Variants in KCNQ3 observed in about 807,000 individuals in gnomAD.
KCNQ3 encodes potassium voltage-gated channel subfamily Q member 3, also known as potassium voltage-gated channel subfamily KQT member 3.
A neutral mutation model predicts 92.5 loss-of-function variants in KCNQ3; 30 were observed. That is an observed-to-expected ratio of 0.32 (90% CI 0.24 to 0.44). KCNQ3 has a LOEUF of 0.44. KCNQ3 is among the 20% of genes least tolerant of loss of function. The probability of loss-of-function intolerance (pLI) is 1.00; values close to 1 mark genes in which losing one functional copy is unlikely to be tolerated. For missense variants in KCNQ3, 913 were observed against 1,140.3 expected (o/e 0.80, Z 2.87); for synonymous variants, 450 against 468.8 (o/e 0.96, Z 0.52).
chr8:132,359,091 T>G (rs1164174105), intron 1 of KCNQ3, among the ~76,000 whole-genome samples: 1 of 152,202 alleles, frequency 6.6e-6, no homozygotes, highest in Admixed American at 6.5e-5. Context: ...ATATCCTCAT[T>G]TCCTTATCTG....
intron 1 of KCNQ3, among the ~76,000 whole-genome samples, chr8:132,423,596 G>C (rs1241879203): frequency 6.6e-6 from 1 of 152,174 alleles, no homozygotes; most frequent in Admixed American, 6.5e-5. Flanking sequence ...CTATCTCACA[G>C]GGCTGTTGTG....
chr8:132,174,746 T>A (rs1407767550), intron 5 of KCNQ3, among the ~76,000 whole-genome samples: 1 of 152,224 alleles, frequency 6.6e-6, no homozygotes, highest in East Asian at 1.9e-4. Flanking sequence ...TGTTCTGGTG[T>A]GTTTAGTATA....
At chr8:132,338,351 A>G (rs1390455111) in intron 1 of KCNQ3, among the ~76,000 whole-genome samples, 1 of 152,174 alleles carries the variant, frequency 6.6e-6, no homozygotes, top group Non-Finnish European at 1.5e-5. Context: ...CAGGAGTCCA[A>G]CCATTGGGAT....
intron 9 of KCNQ3, among the ~76,000 whole-genome samples, chr8:132,150,294 C>T (rs1825596051): frequency 1.3e-5 from 2 of 152,142 alleles, no homozygotes; most frequent in South Asian, 2.1e-4. Flanking sequence ...CCTGTAACCT[C>T]GTGGCAGGGC....
At position 132,480,260 on chromosome 8, in the gene KCNQ3, G is replaced by C; in HGVS notation, c.273C>G (p.Thr91=). 6.2e-7 allele frequency: 1 copy of C among 1,612,488 alleles called. No individual in the cohort carries two copies. Among genetic ancestry groups the C allele is most frequent in the Non-Finnish European group, 8.5e-7 (1 of 1,179,166 alleles). ...TTCTCTTGACTGGGCGGCTCAGCGG[G>C]GTCTTGGCCAGGAGCCCGATGCCCT... ...TPQGIGLLAK[T]PLSRPVKRNN... is the part of the protein sequence containing the mutation. The change falls in exon 1 of 15, where the codon ACC becomes ACG. Residue 91 remains threonine (T), a synonymous_variant. Transcript: ENST00000388996.
At chr8:132,361,258 T>C (rs1252236692) in intron 1 of KCNQ3, among the ~76,000 whole-genome samples, 3 of 152,134 alleles carry the variant, frequency 2.0e-5, no homozygotes, top group Non-Finnish European at 4.4e-5. Flanking sequence ...CAGAGAACAC[T>C]GCAAGCAAAG....
At chr8:132,332,286 C>A (rs1007131860) in intron 1 of KCNQ3, among the ~76,000 whole-genome samples, 1 of 152,156 alleles carries the variant, frequency 6.6e-6, no homozygotes, top group African/African-American at 2.4e-5. Flanking sequence ...GATGAGACTA[C>A]AGCCCCAGCA....
intron 1 of KCNQ3, among the ~76,000 whole-genome samples, chr8:132,199,550 G>T (rs1015737426): frequency 6.6e-6 from 1 of 152,080 alleles, no homozygotes; most frequent in African/African-American, 2.4e-5. Flanking sequence ...ATTAACTGTG[G>T]AATAAAAGGT....
At chr8:132,148,087 G>A (rs902871102) in intron 9 of KCNQ3, among the ~76,000 whole-genome samples, 6 of 152,104 alleles carry the variant, frequency 3.9e-5, no homozygotes, top group African/African-American at 1.4e-4. Context: ...GAAAGTTGCT[G>A]TCAGTGCTTA....
At chr8:132,442,254 C>T (rs61324127) in intron 1 of KCNQ3, among the ~76,000 whole-genome samples, 32,448 of 152,022 alleles carry the variant, frequency 0.21, 3,684 homozygotes, top group Middle Eastern at 0.27. Flanking sequence ...GAAAGTAAAC[C>T]GGATTCTTCC....
intron 9 of KCNQ3, among the ~76,000 whole-genome samples, chr8:132,146,127 G>T (rs1376777532): frequency 6.6e-6 from 1 of 152,210 alleles, no homozygotes; most frequent in Non-Finnish European, 1.5e-5. Flanking sequence ...GTGTACGTGG[G>T]GCCCACAAAG....
intron 1 of KCNQ3, among the ~76,000 whole-genome samples, chr8:132,350,933 A>C (rs1818841482): frequency 6.6e-6 from 1 of 152,124 alleles, no homozygotes; most frequent in Admixed American, 6.5e-5. Flanking sequence ...GTGGCTAATG[A>C]CAGGAAGCTC....
At chr8:132,318,368 T>C (rs1276643641) in intron 1 of KCNQ3, among the ~76,000 whole-genome samples, 1 of 152,110 alleles carries the variant, frequency 6.6e-6, no homozygotes, top group African/African-American at 2.4e-5. Flanking sequence ...CCCTTCCAAG[T>C]TTAGTATTTC....
chr8:132,389,564 C>G (rs1819994135), intron 1 of KCNQ3, among the ~76,000 whole-genome samples: 3 of 152,128 alleles, frequency 2.0e-5, no homozygotes, highest in Non-Finnish European at 4.4e-5. Context: ...GGGCTTGTAT[C>G]CAGAATCTGT....
chr8:132,353,086 C>A (rs1818920980), intron 1 of KCNQ3, among the ~76,000 whole-genome samples: 1 of 152,158 alleles, frequency 6.6e-6, no homozygotes, highest in Non-Finnish European at 1.5e-5. Flanking sequence ...ATGAGCCAGG[C>A]ATGGTGGTGG....
chr8:132,447,637 G>A (rs1452267225), intron 1 of KCNQ3, among the ~76,000 whole-genome samples: 3 of 152,218 alleles, frequency 2.0e-5, no homozygotes, highest in Non-Finnish European at 2.9e-5. Context: ...CAATAGAAGT[G>A]CCTAAAGTTG....
chr8:132,451,565 A>G (rs535708064), intron 1 of KCNQ3, among the ~76,000 whole-genome samples: 37 of 152,354 alleles, frequency 2.4e-4, no homozygotes, highest in Non-Finnish European at 4.4e-4. Flanking sequence ...TATTCAATGA[A>G]TTGGCTAAGG....
chr8:132,325,533 C>T (rs569065174), intron 1 of KCNQ3, among the ~76,000 whole-genome samples: 15 of 152,222 alleles, frequency 9.9e-5, no homozygotes, highest in Middle Eastern at 3.4e-3. Context: ...ATTAGGGTGA[C>T]CTGCTCCAAT....
intron 1 of KCNQ3, among the ~76,000 whole-genome samples, chr8:132,290,613 A>G (rs1310950368): frequency 1.3e-5 from 2 of 152,188 alleles, no homozygotes; most frequent in Non-Finnish European, 2.9e-5. Flanking sequence ...ATCAGGAAAT[A>G]TATGAAGATA....
Sources: allele counts gnomAD v4.1 joint callset (sites outside exome capture counted in the v4.1 genomes callset), GRCh38; gene constraint gnomAD v4.1.1; transcripts MANE v1.5; gene names NCBI Gene and HGNC (gene_info 2026-07-23, HGNC 2026-07-21).